Variants in NAALADL2 observed in about 807,000 individuals in gnomAD.
NAALADL2 encodes inactive N-acetylated-alpha-linked acidic dipeptidase-like protein 2.
NAALADL2 carries 76 observed loss-of-function variants against 87.2 expected under a neutral mutation model. That is an observed-to-expected ratio of 0.87 (90% CI 0.72 to 1.05). The LOEUF (loss-of-function observed/expected upper bound fraction) is 1.05. Ranked by LOEUF, NAALADL2 falls within the 50% of genes least tolerant of loss-of-function variation. The probability of loss-of-function intolerance (pLI) is 0.00; values close to 1 mark genes in which losing one functional copy is unlikely to be tolerated. For synonymous variants in NAALADL2, 354 were observed against 331.0 expected (o/e 1.07, Z -0.75); for missense variants, 1,089 against 945.8 (o/e 1.15, Z -1.99).
intron 2 of NAALADL2, among the ~76,000 whole-genome samples, chr3:175,136,526 G>C (rs1198112968): frequency 3.8e-4 from 58 of 152,158 alleles, no homozygotes; most frequent in Non-Finnish European, 2.9e-5. Context: ...CAATGTTAGG[G>C]TCAGAGAAAA....
At chr3:175,710,147 G>A (rs188899122) in intron 11 of NAALADL2, among the ~76,000 whole-genome samples, 55 of 151,878 alleles carry the variant, frequency 3.6e-4, no homozygotes, top group African/African-American at 1.1e-3. Context: ...AGAAATCACC[G>A]GTAAATCAGG....
In NAALADL2 at chr3:175,256,164, T is replaced by G. The variant is rs550811230; in HGVS notation, c.820-247T>G. 7.2e-5 allele frequency among the ~76,000 whole-genome samples: 11 copies of G among 152,272 alleles called. No individual in the cohort carries two copies. The South Asian group carries it at 2.3e-3, about 32-fold the overall frequency. On this transcript the variant is annotated intron_variant, in intron 3 of 13. Coordinates refer to ENST00000454872, the MANE Select transcript of NAALADL2 (RefSeq NM_207015.3). ...TAGAAGAATGAACTGTGTTTGTAAT[T>G]TTTTAGAAGAGAGAGAGAGCAAAGC...
At chr3:175,795,692 AAAAAT>A (rs549505064) in intron 13 of NAALADL2, among the ~76,000 whole-genome samples, 160 of 151,334 alleles carry the variant, frequency 1.1e-3, no homozygotes, top group African/African-American at 3.2e-3. Flanking sequence ...CAAAAAATAA[AAAAAT>A]AAAATAAAAT....
chr3:175,370,954 A>G (rs768548594), intron 5 of NAALADL2, among the ~76,000 whole-genome samples: 2 of 152,156 alleles, frequency 1.3e-5, no homozygotes, highest in Non-Finnish European at 2.9e-5. Context: ...CCTGAATGTC[A>G]TAACATTATG....
At chr3:174,757,833 A>G (rs889907998) in intron 3 of NAALADL2, among the ~76,000 whole-genome samples, 1 of 152,182 alleles carries the variant, frequency 6.6e-6, no homozygotes, top group African/African-American at 2.4e-5. Context: ...ATAGCCAGAC[A>G]TCTAGTTTAC....
chr3:174,944,895 C>G (rs900303963), intron 1 of NAALADL2, among the ~76,000 whole-genome samples: 2 of 152,116 alleles, frequency 1.3e-5, no homozygotes, highest in Non-Finnish European at 2.9e-5. Context: ...ATCATCCTGC[C>G]TTAAGTTTCT....
At chr3:175,289,604 A>C (rs1315487582) in intron 4 of NAALADL2, among the ~76,000 whole-genome samples, 1 of 9,058 alleles carries the variant, frequency 1.1e-4, no homozygotes, top group Non-Finnish European at 3.2e-4. Flanking sequence ...CCTCCCCCCA[A>C]AAAAATAAAA....
chr3:175,528,998 G>A (rs1243421580), intron 9 of NAALADL2, among the ~76,000 whole-genome samples: 1 of 152,180 alleles, frequency 6.6e-6, no homozygotes, highest in African/African-American at 2.4e-5. Flanking sequence ...TCAGCAGGTC[G>A]TGGATTTTTT....
At chr3:175,178,340 G>GTA (rs1203709912) in intron 2 of NAALADL2, among the ~76,000 whole-genome samples, 1 of 151,966 alleles carries the variant, frequency 6.6e-6, no homozygotes, top group East Asian at 1.9e-4. Flanking sequence ...TTTATCCCAA[G>GTA]TATACATTTT....
At chr3:174,889,625 G>A (rs7611695) in intron 1 of NAALADL2, among the ~76,000 whole-genome samples, 1 of 151,332 alleles carries the variant, frequency 6.6e-6, no homozygotes, top group African/African-American at 2.4e-5. Context: ...GTATTTTATC[G>A]TATAATCCAA....
rs552696891 is a variant in NAALADL2 at position 175,206,337 on chromosome 3, T to C, written c.546-27594T>C. Among the ~76,000 whole-genome samples, 28 of 143,620 alleles carry C rather than the reference T, an allele frequency of 1.9e-4. 2 individuals carry two copies. In the South Asian group the frequency reaches 6.2e-3, roughly 32 times the overall value. The allele number at this position is 143,620 out of a possible 152,430, so 94.2% of individuals were successfully genotyped here. On this transcript the variant is annotated intron_variant, in intron 2 of 13. Transcript: ENST00000454872. Reference sequence around the variant, plus strand: ...ACACATACATACACACACACACACATATATAATGTATATGTTATATATACA... The same window carrying C: ...ACACATACATACACACACACACACACATATAATGTATATGTTATATATACA...
At chr3:174,665,306 A>T (rs1203973885) in intron 2 of NAALADL2, among the ~76,000 whole-genome samples, 10 of 152,292 alleles carry the variant, frequency 6.6e-5, no homozygotes, top group Non-Finnish European at 1.3e-4. Flanking sequence ...AACACATTGT[A>T]CATGGAATCA....
At chr3:175,120,520 CA>C (rs1725994791) in intron 2 of NAALADL2, among the ~76,000 whole-genome samples, 1 of 151,638 alleles carries the variant, frequency 6.6e-6, no homozygotes, top group African/African-American at 2.4e-5. Flanking sequence ...ACTGAAATGA[CA>C]AGAGTGAAGG....
At chr3:175,643,912 T>C (rs917392695) in intron 11 of NAALADL2, among the ~76,000 whole-genome samples, 7 of 152,172 alleles carry the variant, frequency 4.6e-5, no homozygotes, top group East Asian at 1.9e-4. Flanking sequence ...CTTGTAATCA[T>C]ATGTGTGGCA....
rs945190871 is a variant in NAALADL2, at chr3:175,541,612, C to G, written c.1654-34429C>G. Reference sequence around the variant, plus strand: ...GTTGAAAAATTGTAAGTTGAACTATCTTAAGTCCAGAACAGTCTGTGCAAT... The same window carrying G: ...GTTGAAAAATTGTAAGTTGAACTATGTTAAGTCCAGAACAGTCTGTGCAAT... On this transcript the variant is annotated intron_variant, in intron 9 of 13. Transcript: ENST00000454872. Among the ~76,000 whole-genome samples the G allele has an allele frequency of 2.0e-5, 3 of 152,160 alleles. No individual in the cohort carries two copies. The East Asian group carries it at 5.8e-4, about 29-fold the overall frequency.
rs182080255 is a variant in NAALADL2 at position 175,276,673 on chromosome 3, A to T, written c.939+20143A>T. 1.3e-3 allele frequency among the ~76,000 whole-genome samples: 200 copies of T among 152,314 alleles called. 1 individual carries two copies. Among genetic ancestry groups the T allele is most frequent in the Admixed American group, 3.4e-3 (52 of 15,306 alleles). On this transcript the variant is annotated intron_variant, in intron 4 of 13. Coordinates refer to ENST00000454872, the MANE Select transcript of NAALADL2 (RefSeq NM_207015.3). ...GAAAGTAATTTTCACAAGTCATGTGAAAATCACTAAGCAGAAGTGAAAACC... is the reference window on the plus strand; with the variant it reads ...GAAAGTAATTTTCACAAGTCATGTGTAAATCACTAAGCAGAAGTGAAAACC...
chr3:174,822,591 A>G (rs16864836), intron 3 of NAALADL2, among the ~76,000 whole-genome samples: 6,063 of 152,278 alleles, frequency 0.04, 140 homozygotes, highest in East Asian at 0.055. Flanking sequence ...AAATCAGCTC[A>G]GAAAAGTGAT....
chr3:174,456,751 A>C (rs568589917), intron 1 of NAALADL2, among the ~76,000 whole-genome samples: 1 of 152,280 alleles, frequency 6.6e-6, no homozygotes, highest in South Asian at 2.1e-4. Context: ...TGTAAAACCC[A>C]AAACTATAAA....
chr3:175,003,803 G>A (rs1748587463), intron 1 of NAALADL2, among the ~76,000 whole-genome samples: 1 of 152,194 alleles, frequency 6.6e-6, no homozygotes. Context: ...CAGAAGAAGT[G>A]CCTATAGACA....
Sources: allele counts gnomAD v4.1 joint callset (sites outside exome capture counted in the v4.1 genomes callset), GRCh38; gene constraint gnomAD v4.1.1; transcripts MANE v1.5; gene names NCBI Gene and HGNC (gene_info 2026-07-23, HGNC 2026-07-21).